Variants in MCC observed in about 807,000 individuals in gnomAD.
The protein encoded by MCC is colorectal mutant cancer protein.
MCC carries 90 observed loss-of-function variants against 116.2 expected under a neutral mutation model. That is an observed-to-expected ratio of 0.77 (90% CI 0.65 to 0.92). The LOEUF is 0.92. Ranked by LOEUF, MCC falls within the 40% of genes least tolerant of loss-of-function variation. The pLI is 0.00. For missense variants in MCC, 1,516 were observed against 1,312.2 expected, an observed-to-expected ratio of 1.16 and a Z score of -2.40; for synonymous variants, 578 against 510.5, an observed-to-expected ratio of 1.13 and a Z score of -1.78.
chr5:113,113,654 A>AC (rs2150263588), intron 6 of MCC, among the ~76,000 whole-genome samples: 1 of 136,952 alleles, frequency 7.3e-6, no homozygotes, highest in Admixed American at 7.3e-5. Flanking sequence ...GTTCTTGCAA[A>AC]AAAAAAAAAA....
intron 3 of MCC, among the ~76,000 whole-genome samples, chr5:113,204,193 T>C (rs889557987): frequency 6.6e-6 from 1 of 152,128 alleles, no homozygotes; most frequent in African/African-American, 2.4e-5. Flanking sequence ...TCATCAGCAT[T>C]ATGGGCAAGA....
Position 113,078,855 on chromosome 5 carries a change from G to C in MCC, c.1784+4005C>G, listed in dbSNP as rs545333625. ...AATAAAGGGTATTCAATTAGGAAAAGAGGAAGTCAAACTGTCCCTGTTTGC... is the reference window on the plus strand; with the variant it reads ...AATAAAGGGTATTCAATTAGGAAAACAGGAAGTCAAACTGTCCCTGTTTGC... On this transcript the variant is annotated intron_variant, in intron 11 of 18. Coordinates refer to ENST00000408903, the MANE Select transcript of MCC (RefSeq NM_001085377.2). Among the ~76,000 whole-genome samples, 107 of 152,328 alleles carry C rather than the reference G, an allele frequency of 7.0e-4. 1 individual carries two copies. Among genetic ancestry groups the C allele is most frequent in the Non-Finnish European group, 1.4e-3 (94 of 68,024 alleles).
At chr5:113,145,771 CACACACACACACAA>C (rs1307448301) in intron 4 of MCC, among the ~76,000 whole-genome samples, 3,938 of 23,748 alleles carry the variant, frequency 0.17, 124 homozygotes, top group East Asian at 0.39. Context: ...CACACACACA[CACACACACACACAA>C]ACACACACAC....
At chr5:113,387,410 A>G (rs1337412088) in intron 1 of MCC, among the ~76,000 whole-genome samples, 1 of 152,218 alleles carries the variant, frequency 6.6e-6, no homozygotes, top group Non-Finnish European at 1.5e-5. Flanking sequence ...GATTCATCCA[A>G]GAGTTAGGGA....
chr5:113,111,866 T>C (rs769865905), intron 6 of MCC, among the ~76,000 whole-genome samples: 1 of 152,336 alleles, frequency 6.6e-6, no homozygotes, highest in East Asian at 1.9e-4. Context: ...CACACACCAG[T>C]GGACAAAGCT....
At chr5:113,054,359 G>A (rs1752676146) in intron 14 of MCC, among the ~76,000 whole-genome samples, 1 of 152,200 alleles carries the variant, frequency 6.6e-6, no homozygotes, top group Non-Finnish European at 1.5e-5. Flanking sequence ...ATCGACAATG[G>A]TGGTGATATT....
intron 3 of MCC, among the ~76,000 whole-genome samples, chr5:113,305,206 G>A (rs1483203836): frequency 6.6e-6 from 1 of 152,130 alleles, no homozygotes; most frequent in Non-Finnish European, 1.5e-5. Flanking sequence ...GACAGGCTGA[G>A]GCATGAAGAA....
chr5:113,477,647 A>G (rs569494808), intron 1 of MCC, among the ~76,000 whole-genome samples: 1 of 152,310 alleles, frequency 6.6e-6, no homozygotes, highest in Admixed American at 6.5e-5. Flanking sequence ...AAGCCAAGGC[A>G]GATTAAATTT....
chr5:113,464,256 C>T (rs1053934701), intron 1 of MCC, among the ~76,000 whole-genome samples: 6 of 152,076 alleles, frequency 3.9e-5, no homozygotes, highest in Admixed American at 3.9e-4. Context: ...GACTAAAAGC[C>T]AAAGTCCTCA....
intron 2 of MCC, among the ~76,000 whole-genome samples, chr5:113,375,098 A>G (rs959931735): frequency 1.1e-4 from 17 of 151,946 alleles, no homozygotes; most frequent in African/African-American, 4.1e-4. Flanking sequence ...ATAACTCGGT[A>G]TGATGCACAG....
chr5:113,331,125 G>A (rs1325143258), intron 3 of MCC, among the ~76,000 whole-genome samples: 2 of 152,234 alleles, frequency 1.3e-5, no homozygotes, highest in Admixed American at 6.5e-5. Context: ...CCCCTTAGAT[G>A]CTGAACTGTG....
rs1750394399 is a variant in MCC, at chr5:113,024,548, C to G, written c.*2754G>C. On this transcript the variant is annotated 3_prime_UTR_variant, in exon 19 of 19. Coordinates refer to ENST00000408903, the MANE Select transcript of MCC (RefSeq NM_001085377.2). ...ACTGAATTCTGAACAGAGATGGTTA[C>G]TGACTAAAAGGGGGTAACCACTGAG... 6.6e-6 allele frequency: 1 copy of G among 152,206 alleles called. No homozygotes were observed. Among genetic ancestry groups the G allele is most frequent in the Non-Finnish European group, 1.5e-5 (1 of 68,036 alleles). 9.4% of individuals were successfully genotyped at this position (152,206 alleles called of 1,614,324 possible). A position where few individuals can be genotyped will look rare whatever the true frequency, so the allele number is the denominator to read the frequency against.
chr5:113,101,861 C>T lies in MCC; in HGVS notation c.1276G>A (p.Ala426Thr), dbSNP rs189632760. The change falls in exon 8 of 19, where the codon GCT becomes ACT. Residue 426 changes from alanine (A) to threonine (T), a missense_variant. Physicochemically the swap from Ala to Thr is moderately conservative, Grantham distance 58. Transcript: ENST00000408903. ...EERSRWEKEL[A>T]GLREENESLT... Reference sequence around the variant, plus strand: ...CTCTCATTCTCTTCCCTCAGCCCAGCCAGCTCCTTCTCCCACCGAGACCTC... The same window carrying T: ...CTCTCATTCTCTTCCCTCAGCCCAGTCAGCTCCTTCTCCCACCGAGACCTC... 3.1e-6 allele frequency: 5 copies of T among 1,605,130 alleles called. No homozygotes were observed. Among genetic ancestry groups the T allele is most frequent in the Non-Finnish European group, 4.2e-6 (5 of 1,176,648 alleles).
chr5:113,169,406 T>G (rs1270895605), intron 3 of MCC, among the ~76,000 whole-genome samples: 2 of 152,104 alleles, frequency 1.3e-5, no homozygotes, highest in African/African-American at 4.8e-5. Flanking sequence ...AGCCTTAATC[T>G]TGCATAGTCT....
intron 3 of MCC, among the ~76,000 whole-genome samples, chr5:113,184,472 G>GTTTTTTTTTTTTTTTTTTTT (rs200787776): frequency 8.1e-6 from 1 of 123,800 alleles, no homozygotes; most frequent in African/African-American, 3.2e-5. Context: ...TTCTTTCTTC[G>GTTTTTTTTTTTTTTTTTTTT]TTTTTTGTTT....
At chr5:113,488,204 T>A (rs1391323099) in intron 1 of MCC, 41 bp downstream of exon 1, 1 of 1,575,360 alleles carries the variant, frequency 6.3e-7, no homozygotes, top group East Asian at 2.6e-5. Context: ...GCGGAGGGAC[T>A]GATCTCGCTC....
At chr5:113,221,313 G>A (rs1434587931) in intron 3 of MCC, among the ~76,000 whole-genome samples, 2 of 152,206 alleles carry the variant, frequency 1.3e-5, no homozygotes, top group African/African-American at 4.8e-5. Flanking sequence ...AAGGAGACCT[G>A]AACTAACCAA....
chr5:113,120,606 T>A (rs1422400878), intron 6 of MCC, among the ~76,000 whole-genome samples: 5 of 152,220 alleles, frequency 3.3e-5, no homozygotes, highest in Admixed American at 2.0e-4. Flanking sequence ...AAACACATGT[T>A]ATGTGCCAGG....
chr5:113,447,004 C>T (rs1345825515), intron 1 of MCC, among the ~76,000 whole-genome samples: 1 of 152,144 alleles, frequency 6.6e-6, no homozygotes, highest in Non-Finnish European at 1.5e-5. Context: ...GTCCAACCCT[C>T]CCCTCATCTT....
Sources: allele counts gnomAD v4.1 joint callset (sites outside exome capture counted in the v4.1 genomes callset), GRCh38; gene constraint gnomAD v4.1.1; transcripts MANE v1.5; gene names NCBI Gene and HGNC (gene_info 2026-07-23, HGNC 2026-07-21).